CHRM3: variants seen among roughly 807,000 people sequenced by gnomAD.
CHRM3 encodes cholinergic receptor muscarinic 3.
Under a neutral mutation model 41.8 loss-of-function variants are expected in CHRM3, and 11 were observed. That is an observed-to-expected ratio of 0.26 (90% CI 0.17 to 0.44). The LOEUF is 0.44. Ranked by LOEUF, CHRM3 falls within the 20% of genes least tolerant of loss-of-function variation. CHRM3 has a pLI of 1.00. For missense variants in CHRM3, 571 were observed against 745.4 expected (o/e 0.77, Z 2.72); for synonymous variants, 297 against 301.4 (o/e 0.99, Z 0.15).
intron 4 of CHRM3, among the ~76,000 whole-genome samples, chr1:239,654,958 A>G (rs747203788): frequency 1.3e-5 from 2 of 152,248 alleles, no homozygotes; most frequent in Admixed American, 6.5e-5. Flanking sequence ...ACAATAAGCC[A>G]CAATATTATA....
chr1:239,709,914 T>A (rs947035959), intron 5 of CHRM3, among the ~76,000 whole-genome samples: 1 of 152,250 alleles, frequency 6.6e-6, no homozygotes, highest in Non-Finnish European at 1.5e-5. Flanking sequence ...TTATTTAAGT[T>A]AAAATGATAT....
chr1:239,635,590 A>G (rs2148891588), intron 4 of CHRM3, among the ~76,000 whole-genome samples: 1 of 152,314 alleles, frequency 6.6e-6, no homozygotes, highest in Admixed American at 6.5e-5. Flanking sequence ...AATTCCCTTT[A>G]AAGACTGGAA....
chr1:239,756,468 T>A (rs1666251947), intron 5 of CHRM3, among the ~76,000 whole-genome samples: 2 of 152,218 alleles, frequency 1.3e-5, no homozygotes, highest in Admixed American at 1.3e-4. Flanking sequence ...GAATTCTACC[T>A]ACCAATTTAT....
intron 3 of CHRM3, among the ~76,000 whole-genome samples, chr1:239,606,403 G>A (rs1666288007): frequency 6.6e-6 from 1 of 151,950 alleles, no homozygotes. Context: ...AGCCTCCCGA[G>A]TAGCTGGGAC....
intron 5 of CHRM3, among the ~76,000 whole-genome samples, chr1:239,805,925 C>T (rs917803976): frequency 3.9e-5 from 6 of 152,110 alleles, no homozygotes; most frequent in Non-Finnish European, 7.4e-5. Flanking sequence ...TTCTTCCTGG[C>T]ATCTTGATAG....
At chr1:239,632,512 G>A (rs1463122425) in intron 4 of CHRM3, among the ~76,000 whole-genome samples, 1 of 152,124 alleles carries the variant, frequency 6.6e-6, no homozygotes, top group Admixed American at 6.5e-5. Context: ...ATTGAGATTT[G>A]AAATAAGTTA....
chr1:239,559,716 C>A (rs1377023675), intron 3 of CHRM3, among the ~76,000 whole-genome samples: 1 of 152,112 alleles, frequency 6.6e-6, no homozygotes, highest in Non-Finnish European at 1.5e-5. Context: ...ATGGTGACAA[C>A]CTACAACTTG....
chr1:239,874,707 T>A (rs1223133034), intron 6 of CHRM3, among the ~76,000 whole-genome samples: 1 of 151,924 alleles, frequency 6.6e-6, no homozygotes. Flanking sequence ...CTTTTTTTTT[T>A]TTTATTTTGC....
At chr1:239,467,502 G>T (rs983022939) in intron 1 of CHRM3, among the ~76,000 whole-genome samples, 2 of 152,034 alleles carry the variant, frequency 1.3e-5, no homozygotes, top group East Asian at 1.9e-4. Context: ...GGGTTTCACC[G>T]TGTTGGTCAG....
intron 3 of CHRM3, among the ~76,000 whole-genome samples, chr1:239,607,887 T>C (rs532363890): frequency 1.3e-5 from 2 of 152,336 alleles, no homozygotes; most frequent in East Asian, 3.9e-4. Context: ...TATTTTGTGT[T>C]CTGCATTCTG....
chr1:239,498,178 T>A (rs1222097587), intron 2 of CHRM3, among the ~76,000 whole-genome samples: 1 of 152,128 alleles, frequency 6.6e-6, no homozygotes, highest in Non-Finnish European at 1.5e-5. Context: ...TTATTCAACT[T>A]TTTGTTTATC....
Position 239,617,512 on chromosome 1 carries a change from C to T in CHRM3, c.-312-14712C>T, listed in dbSNP as rs555494253. ...GGCAGAGGGAGGAGAATTGCTTCAG[C>T]CCAGGAGTTTGAGACCAGCTTGGGC... On this transcript the variant is annotated intron_variant, in intron 3 of 6. Transcript: ENST00000676153. Among the ~76,000 whole-genome samples the T allele has an allele frequency of 2.9e-4, 44 of 152,128 alleles. No individual in the cohort carries two copies. In the South Asian group the frequency reaches 3.1e-3, roughly 11 times the overall value.
intron 5 of CHRM3, among the ~76,000 whole-genome samples, chr1:239,813,789 C>T (rs954988961): frequency 1.0e-4 from 13 of 129,042 alleles, no homozygotes; most frequent in African/African-American, 2.0e-4. Flanking sequence ...TAGTGGCGGG[C>T]GCCTGTAGTC....
At chr1:239,797,721 A>G (rs910085723) in intron 5 of CHRM3, among the ~76,000 whole-genome samples, 2 of 152,146 alleles carry the variant, frequency 1.3e-5, no homozygotes, top group African/African-American at 4.8e-5. Flanking sequence ...TTGATTCTTC[A>G]CCTGGATGTC....
At chr1:239,729,710 A>G (rs911242637) in intron 5 of CHRM3, among the ~76,000 whole-genome samples, 1 of 151,850 alleles carries the variant, frequency 6.6e-6, no homozygotes, top group Non-Finnish European at 1.5e-5. Context: ...GATGATCTGT[A>G]TAACTCAGTG....
At chr1:239,542,722 A>G (rs1204789774) in intron 2 of CHRM3, among the ~76,000 whole-genome samples, 2 of 152,182 alleles carry the variant, frequency 1.3e-5, no homozygotes, top group Admixed American at 6.5e-5. Context: ...TCTAAGATGC[A>G]ATGAAATGGG....
At chr1:239,619,699 G>C (rs1034258719) in intron 3 of CHRM3, among the ~76,000 whole-genome samples, 3 of 152,078 alleles carry the variant, frequency 2.0e-5, no homozygotes, top group African/African-American at 7.2e-5. Context: ...CTTTAAAATT[G>C]GTTTCTCGAA....
intron 5 of CHRM3, among the ~76,000 whole-genome samples, chr1:239,769,325 T>C (rs753253510): frequency 2.6e-5 from 4 of 152,130 alleles, no homozygotes; most frequent in Admixed American, 6.5e-5. Context: ...GGCAAAGGCA[T>C]TGATGTTATT....
intron 6 of CHRM3, among the ~76,000 whole-genome samples, chr1:239,876,777 A>G (rs1677143888): frequency 6.6e-6 from 1 of 152,146 alleles, no homozygotes. Context: ...TATGCTATAT[A>G]TATGTCTCTC....
Sources: gnomAD v4.1 joint callset for allele counts (sites outside exome capture counted in the v4.1 genomes callset) on GRCh38, gnomAD v4.1.1 for gene constraint, MANE v1.5 for transcripts, NCBI Gene and HGNC (gene_info 2026-07-23, HGNC 2026-07-21) for gene names.